Variants in CSF2RB observed in about 807,000 individuals in gnomAD.
The protein encoded by CSF2RB is cytokine receptor common subunit beta.
CSF2RB carries 22 observed loss-of-function variants against 67.2 expected under a neutral mutation model. The ratio of observed to expected loss-of-function variants is 0.33; its 90% CI spans 0.23 to 0.47. The LOEUF is 0.47. CSF2RB is among the 20% of genes least tolerant of loss of function. The probability of loss-of-function intolerance (pLI) is 1.00; values close to 1 mark genes in which losing one functional copy is unlikely to be tolerated. For missense variants in CSF2RB, 1,113 were observed against 1,174.5 expected (o/e 0.95, Z 0.76); for synonymous variants, 507 against 482.9 (o/e 1.05, Z -0.65).
At chr22:36,930,299 A>T (rs1315008062) in intron 6 of CSF2RB, 76 bp from the exon 7 acceptor site, 2 of 1,603,792 alleles carry the variant, frequency 1.2e-6, no homozygotes, top group Non-Finnish European at 1.7e-6. Context: ...TGTGTGATGA[A>T]TCACACGGTG....
chr22:36,932,305 G>A (rs956793197), intron 8 of CSF2RB, among the ~76,000 whole-genome samples: 2 of 151,874 alleles, frequency 1.3e-5, no homozygotes, highest in African/African-American at 4.8e-5. Flanking sequence ...CTTGGTGGCG[G>A]GTGCCTGTAA....
intron 8 of CSF2RB, among the ~76,000 whole-genome samples, chr22:36,931,853 A>G (rs1413230096): frequency 6.6e-6 from 1 of 152,162 alleles, no homozygotes. Context: ...GGCCTGTTAC[A>G]GCCGCTTTAT....
chr22:36,928,784 G>A (rs372548843), intron 4 of CSF2RB, among the ~76,000 whole-genome samples: 2 of 152,158 alleles, frequency 1.3e-5, no homozygotes, highest in South Asian at 4.1e-4. Flanking sequence ...GTAGGGAAGG[G>A]GGTCAGGACC....
intron 1 of CSF2RB, among the ~76,000 whole-genome samples, chr22:36,921,140 T>C (rs183701453): frequency 1.3e-5 from 2 of 151,992 alleles, no homozygotes; most frequent in East Asian, 3.9e-4. Flanking sequence ...AATTTCTGTG[T>C]ATGTGTGAAT....
At chr22:36,915,561 A>G (rs1310773206) in intron 1 of CSF2RB, among the ~76,000 whole-genome samples, 1 of 152,162 alleles carries the variant, frequency 6.6e-6, no homozygotes, top group Non-Finnish European at 1.5e-5. Flanking sequence ...GGATGGGTAC[A>G]CCACAATTCA....
At chr22:36,929,273 C>T (rs1352741933) in intron 4 of CSF2RB, 129 bp from the exon 5 acceptor site, 1 of 1,244,810 alleles carries the variant, frequency 8.0e-7, no homozygotes, top group East Asian at 2.3e-5. Context: ...ACGGGTCTTG[C>T]TCAAGGTCCC....
At chr22:36,917,863 C>T (rs1940760079) in intron 1 of CSF2RB, among the ~76,000 whole-genome samples, 1 of 151,742 alleles carries the variant, frequency 6.6e-6, no homozygotes, top group Admixed American at 6.6e-5. Context: ...GCAGAGATTG[C>T]AGTGAGCCGA....
In CSF2RB at chr22:36,922,099, G is replaced by T. The variant is rs780887563; in HGVS notation, c.-109G>T. ...GAGCCTGTGAAATGGGTCTGGCCTG[G>T]CTCCCAGCTGGGCAGGAACACAGGA... is the stretch of plus-strand genomic sequence containing the variant. On this transcript the variant is annotated 5_prime_UTR_variant, in exon 2 of 14. Transcript: ENST00000403662. 107 of 1,036,260 alleles carry T rather than the reference G, an allele frequency of 1.0e-4. No homozygotes were observed. Among genetic ancestry groups the T allele is most frequent in the Middle Eastern group, 8.8e-4 (3 of 3,392 alleles). The allele number at this position is 1,036,260 out of a possible 1,614,324, so 64.2% of individuals were successfully genotyped here.
chr22:36,930,923 G>A (rs1294455718), intron 8 of CSF2RB, 93 bp downstream of exon 8: 31 of 1,459,194 alleles, frequency 2.1e-5, no homozygotes, highest in African/African-American at 2.8e-5. Context: ...TCCTGGCCCC[G>A]TCTTCATGTT....
At position 36,923,254 on chromosome 22, in the gene CSF2RB, G is replaced by A. The variant is rs372145171; in HGVS notation, c.87G>A (p.Pro29=). ...TACCCCTCTTGTCAGAAACCATCCC[G>A]CTGCAGACCCTGCGCTGCTACAACG... The part of the protein sequence containing the change: ...RSLAGAEETI[P]LQTLRCYNDY... Residue 29 remains proline, a synonymous_variant, in exon 3 of 14, where the codon CCG becomes CCA. Coordinates refer to ENST00000403662, the MANE Select transcript of CSF2RB (RefSeq NM_000395.3). The A allele has an allele frequency of 1.0e-4, 163 of 1,614,048 alleles. No individual in the cohort carries two copies. Among genetic ancestry groups the A allele is most frequent in the Non-Finnish European group, 1.3e-4 (155 of 1,180,022 alleles).
chr22:36,931,723 C>A (rs1186801389), intron 8 of CSF2RB, among the ~76,000 whole-genome samples: 1 of 152,092 alleles, frequency 6.6e-6, no homozygotes, highest in Non-Finnish European at 1.5e-5. Flanking sequence ...CTTTCTTTAC[C>A]CTTTGCCTCT....
At chr22:36,923,936 C>A in intron 3 of CSF2RB, 1 of 435,634 alleles carries the variant, frequency 2.3e-6, no homozygotes, top group Non-Finnish European at 4.1e-6. Context: ...GCCACCTCTC[C>A]CACCCAAGCT....
intron 1 of CSF2RB, among the ~76,000 whole-genome samples, chr22:36,919,803 T>C (rs1489732644): frequency 6.6e-6 from 1 of 152,246 alleles, no homozygotes; most frequent in Non-Finnish European, 1.5e-5. Context: ...TAAATGGCTA[T>C]GATTCTCAAA....
Position 36,930,644 on chromosome 22 carries a change from C to T in CSF2RB, c.855-29C>T, listed in dbSNP as rs1941128767. The T allele has an allele frequency of 3.7e-6, 6 of 1,611,944 alleles. No individual in the cohort carries two copies. In the African/African-American group the frequency reaches 4.0e-5, roughly 11 times the overall value. ...CTCCCTCCCGTGTGCCCTCCCTCTCCCTGCCCTCAGCTCTGCTGTGCTCCT... is the reference window on the plus strand; with the variant it reads ...CTCCCTCCCGTGTGCCCTCCCTCTCTCTGCCCTCAGCTCTGCTGTGCTCCT... On this transcript the variant is annotated intron_variant, in intron 7 of 13. Transcript: ENST00000403662.
intron 12 of CSF2RB, among the ~76,000 whole-genome samples, chr22:36,936,170 G>C (rs1941262174): frequency 6.6e-6 from 1 of 152,174 alleles, no homozygotes; most frequent in Non-Finnish European, 1.5e-5. Context: ...TTGGGAGGCT[G>C]AGATGACCAT....
In CSF2RB at chr22:36,938,240, A is replaced by T. The variant is rs1396801676; in HGVS notation, c.2432A>T (p.Glu811Val). ...GTGTCCCCAACATCCCCACAGCCCG[A>T]GGGCCTCCTTGTCCTGCAGCAAGTG... The part of the protein sequence containing the change: ...ADVSPTSPQP[E>V]GLLVLQQVGD... The change falls in exon 14 of 14, where the codon GAG becomes GTG. Residue 811 changes from glutamate (E) to valine (V), a missense_variant. Physicochemically the swap from Glu to Val is moderately radical, Grantham distance 121 (BLOSUM62 -2). Transcript: ENST00000403662. 6.2e-7 allele frequency: 1 copy of T among 1,614,110 alleles called. No individual in the cohort carries two copies. The highest frequency in any genetic ancestry group is 1.1e-5 in the South Asian group (1 of 91,078).
At chr22:36,923,095 A>G (rs1940917991) in intron 2 of CSF2RB, 149 bp from the exon 3 acceptor site, 1 of 1,119,166 alleles carries the variant, frequency 8.9e-7, no homozygotes, top group Non-Finnish European at 1.3e-6. Context: ...GCAGACATGA[A>G]CACATGTACA....
rs371045078 is a variant in CSF2RB, at chr22:36,935,416, C to T, written c.1381C>T (p.Arg461Cys). 203 of 1,614,188 alleles carry T rather than the reference C, an allele frequency of 1.3e-4. 3 individuals are homozygous for T. The highest frequency in any genetic ancestry group is 9.7e-4 in the South Asian group (88 of 91,082). ...CACCATCGCTGTGCTCCTGGCCCTC[C>T]GCTTCTGTGGCATCTACGGGTACAG... is the stretch of plus-strand genomic sequence containing the variant. The part of the protein sequence containing the change: ...FLTIAVLLAL[R>C]FCGIYGYRLR... Residue 461 changes from arginine to cysteine, a missense_variant, in exon 11 of 14, where the codon CGC becomes TGC. Arg to Cys is a radical substitution (Grantham distance 180). Transcript: ENST00000403662.
rs142858660 is a variant in CSF2RB at position 36,938,459 on chromosome 22, C to T, written c.2651C>T (p.Ser884Phe). The change falls in exon 14 of 14, where the codon TCT becomes TTT. Residue 884 changes from serine to phenylalanine, a missense_variant. Ser to Phe is a radical substitution (Grantham distance 155). Coordinates refer to ENST00000403662, the MANE Select transcript of CSF2RB (RefSeq NM_000395.3). Reference sequence around the variant, plus strand: ...GCCCTGAAGCAGCAGGACTACCTGTCTCTGCCCCCTTGGGAGGTCAACAAG... The same window carrying T: ...GCCCTGAAGCAGCAGGACTACCTGTTTCTGCCCCCTTGGGAGGTCAACAAG... ...FKALKQQDYL[S>F]LPPWEVNKPG... 1 of 1,614,130 alleles carries T rather than the reference C, an allele frequency of 6.2e-7. No homozygotes were observed. The highest frequency in any genetic ancestry group is 8.5e-7 in the Non-Finnish European group (1 of 1,179,994).
Sources: allele counts gnomAD v4.1 joint callset (sites outside exome capture counted in the v4.1 genomes callset), GRCh38; gene constraint gnomAD v4.1.1; transcripts MANE v1.5; gene names NCBI Gene and HGNC (gene_info 2026-07-23, HGNC 2026-07-21).